The following KANK1 variants were observed in gnomAD, a reference collection of about 807,000 sequenced individuals.
KANK1 encodes KN motif and ankyrin repeat domain-containing protein 1.
KANK1 carries 109 observed loss-of-function variants against 106.2 expected under a neutral mutation model. That is an observed-to-expected ratio of 1.03 (90% confidence interval 0.88 to 1.20). The LOEUF is 1.20. Among genes scored for constraint, KANK1 ranks in the 50% most tolerant of loss-of-function variants. KANK1 has a pLI of 0.00. For synonymous variants in KANK1, 873 were observed against 652.2 expected, an observed-to-expected ratio of 1.34 and a Z score of -5.16; for missense variants, 2,399 against 1,710.7, an observed-to-expected ratio of 1.40 and a Z score of -7.10.
At chr9:507,390 C>T (rs1219599032) in intron 1 of KANK1, among the ~76,000 whole-genome samples, 1 of 151,914 alleles carries the variant, frequency 6.6e-6, no homozygotes, top group Non-Finnish European at 1.5e-5. Context: ...TATACATATC[C>T]CACACCCCCA....
intron 9 of KANK1, 108 bp downstream of exon 9, chr9:741,042 G>A: frequency 1.6e-6 from 2 of 1,222,522 alleles, no homozygotes; most frequent in Non-Finnish European, 2.3e-6. Flanking sequence ...CCACCACAGT[G>A]CACTTGTTTG....
intron 1 of KANK1, among the ~76,000 whole-genome samples, chr9:511,770 G>C (rs1426114032): frequency 6.6e-6 from 1 of 152,172 alleles, no homozygotes; most frequent in African/African-American, 2.4e-5. Flanking sequence ...TCCCAACTCA[G>C]CTACAGTCTT....
At chr9:473,974 AG>A (rs2058063534) in intron 3 of KANK1, among the ~76,000 whole-genome samples, 1 of 152,182 alleles carries the variant, frequency 6.6e-6, no homozygotes, top group African/African-American at 2.4e-5. Flanking sequence ...CTGGGATTAT[AG>A]GTGTGAGCCA....
chr9:671,917 C>T (rs929145005), intron 1 of KANK1, among the ~76,000 whole-genome samples: 2 of 152,134 alleles, frequency 1.3e-5, no homozygotes, highest in African/African-American at 2.4e-5. Context: ...CACTGCACTC[C>T]AGCCTGGGCT....
chr9:745,097 G>T, intron 11 of KANK1, 76 bp from the exon 12 acceptor site: 1 of 1,568,978 alleles, frequency 6.4e-7, no homozygotes, highest in Non-Finnish European at 8.6e-7. Context: ...GGTGGGCCAA[G>T]ATCCTATGTC....
intron 1 of KANK1, among the ~76,000 whole-genome samples, chr9:552,319 T>C (rs1329004884): frequency 6.6e-6 from 1 of 151,996 alleles, no homozygotes; most frequent in Non-Finnish European, 1.5e-5. Flanking sequence ...AATTAGGAGG[T>C]TCCAAGGACC....
chr9:713,419 C>A lies in KANK1; in HGVS notation c.2653C>A (p.Leu885Met). 1 of 1,606,836 alleles carries A rather than the reference C, an allele frequency of 6.2e-7. No homozygotes were observed. The highest frequency in any genetic ancestry group is 8.5e-7 in the Non-Finnish European group (1 of 1,177,320). The change falls in exon 3 of 12, where the codon CTG becomes ATG. Residue 885 changes from leucine to methionine, a missense_variant. Coordinates refer to ENST00000382297, the MANE Select transcript of KANK1 (RefSeq NM_015158.5). ...SVMKSASTEE[L>M]RNPDFQKTSL... ...CATGAAATCTGCAAGCACTGAAGAG[C>A]TGAGGAACCCTGACTTCCAGAAAAC...
intron 1 of KANK1, among the ~76,000 whole-genome samples, chr9:533,862 C>T (rs1196107977): frequency 2.6e-5 from 4 of 152,160 alleles, no homozygotes; most frequent in Admixed American, 6.5e-5. Context: ...CTAAGCCATG[C>T]CTCCCCTTTT....
At chr9:604,161 C>T (rs568997460) in intron 1 of KANK1, among the ~76,000 whole-genome samples, 105 of 151,570 alleles carry the variant, frequency 6.9e-4, no homozygotes, top group Admixed American at 2.2e-3. Flanking sequence ...CGTTATTGTT[C>T]TGATTATTCT....
intron 1 of KANK1, among the ~76,000 whole-genome samples, chr9:652,517 G>C (rs4259462): frequency 0.18 from 27,595 of 151,964 alleles, 2,751 homozygotes; most frequent in East Asian, 0.32. Context: ...GAGCGAAACT[G>C]TGTCTCAAAA....
chr9:529,181 C>A (rs1034619939), intron 1 of KANK1, among the ~76,000 whole-genome samples: 3 of 151,854 alleles, frequency 2.0e-5, no homozygotes, highest in African/African-American at 7.3e-5. Context: ...TCTCTCTTTA[C>A]AGGCAACTGG....
At chr9:601,882 A>G (rs1051135207) in intron 1 of KANK1, among the ~76,000 whole-genome samples, 86 of 151,832 alleles carry the variant, frequency 5.7e-4, no homozygotes, top group Non-Finnish European at 8.5e-4. Context: ...TTACTGGACA[A>G]TGGTGTTTAG....
intron 1 of KANK1, among the ~76,000 whole-genome samples, chr9:524,567 A>C (rs774441478): frequency 2.0e-5 from 3 of 151,424 alleles, no homozygotes; most frequent in Non-Finnish European, 2.9e-5. Context: ...ACCCAGGCTG[A>C]AGTGCAGTGC....
At chr9:548,204 C>G (rs910771552) in intron 1 of KANK1, among the ~76,000 whole-genome samples, 1 of 152,014 alleles carries the variant, frequency 6.6e-6, no homozygotes, top group African/African-American at 2.4e-5. Context: ...ATTCTTAAAC[C>G]TTAGTATCAG....
In KANK1 at chr9:737,172, T is replaced by TC. The variant is rs374948767; in HGVS notation, c.3334-1110dup. Among the ~76,000 whole-genome samples, 282 of 152,232 alleles carry TC rather than the reference T, an allele frequency of 1.9e-3. 1 individual carries two copies. The highest frequency in any genetic ancestry group is 6.5e-3 in the African/African-American group (269 of 41,542). On this transcript the variant is annotated intron_variant, in intron 7 of 11. Coordinates refer to ENST00000382297, the MANE Select transcript of KANK1 (RefSeq NM_015158.5). ...ATTAGAATGACCAGAAGACATAATTTCCCTTCTTTCAGTGTGACAACTCCA... is the reference window on the plus strand; with the variant it reads ...ATTAGAATGACCAGAAGACATAATTTCCCCTTCTTTCAGTGTGACAACTCCA...
intron 2 of KANK1, among the ~76,000 whole-genome samples, chr9:687,758 T>C (rs548262569): frequency 5.4e-4 from 83 of 152,312 alleles, no homozygotes; most frequent in Non-Finnish European, 1.0e-3. Context: ...GTTCCTCTCT[T>C]CCTCTTCTTT....
At chr9:500,757 G>A (rs567487118), upstream of KANK1, among the ~76,000 whole-genome samples, 18 of 152,168 alleles carry the variant, frequency 1.2e-4, no homozygotes, top group South Asian at 8.3e-4. Flanking sequence ...TTTCACAGAG[G>A]AGCCAAGTGA....
intron 10 of KANK1, among the ~76,000 whole-genome samples, chr9:744,184 A>ATAATT (rs148186431): frequency 1.3e-5 from 2 of 151,320 alleles, no homozygotes; most frequent in Non-Finnish European, 2.9e-5. Context: ...CTGGTCATTC[A>ATAATT]TAATTAATTA....
At chr9:597,972 G>C (rs976345470) in intron 1 of KANK1, among the ~76,000 whole-genome samples, 1 of 151,552 alleles carries the variant, frequency 6.6e-6, no homozygotes, top group African/African-American at 2.4e-5. Flanking sequence ...GCCTCCCTAT[G>C]TTTTCTTCTA....
Sources: gnomAD v4.1 joint callset for allele counts (sites outside exome capture counted in the v4.1 genomes callset) on GRCh38, gnomAD v4.1.1 for gene constraint, MANE v1.5 for transcripts, NCBI Gene and HGNC (gene_info 2026-07-23, HGNC 2026-07-21) for gene names.